SYT1: variants seen among roughly 807,000 people sequenced by gnomAD.
The protein encoded by SYT1 is synaptotagmin 1.
SYT1 carries 8 observed loss-of-function variants against 44.8 expected under a neutral mutation model. The ratio of observed to expected loss-of-function variants is 0.18; its 90% CI spans 0.10 to 0.32. The LOEUF is 0.32. Among genes scored for constraint, SYT1 ranks in the 10% least tolerant of loss-of-function variants. SYT1 has a pLI of 1.00. For synonymous variants in SYT1, 154 were observed against 188.8 expected (o/e 0.82, Z 1.51); for missense variants, 286 against 509.3 (o/e 0.56, Z 4.22).
At chr12:79,028,763 A>T (rs1872671030) in intron 2 of SYT1, among the ~76,000 whole-genome samples, 1 of 151,450 alleles carries the variant, frequency 6.6e-6, no homozygotes, top group Non-Finnish European at 1.5e-5. Context: ...TCAATAAACA[A>T]TGAAATGTAT....
chr12:79,003,519 C>A (rs1036060281), intron 2 of SYT1, among the ~76,000 whole-genome samples: 1 of 151,786 alleles, frequency 6.6e-6, no homozygotes, highest in East Asian at 1.9e-4. Context: ...GACATCACTG[C>A]AAGATTAGAA....
At chr12:78,902,660 C>T (rs1875728560) in intron 1 of SYT1, among the ~76,000 whole-genome samples, 1 of 152,028 alleles carries the variant, frequency 6.6e-6, no homozygotes, top group South Asian at 2.1e-4. Flanking sequence ...AGTTTTTTAA[C>T]AACCAAATAA....
intron 3 of SYT1, among the ~76,000 whole-genome samples, chr12:79,157,493 T>A (rs1870672250): frequency 6.6e-6 from 1 of 152,194 alleles, no homozygotes; most frequent in Non-Finnish European, 1.5e-5. Context: ...TAAACATGTT[T>A]AACTCTGTCT....
At chr12:79,310,664 A>G (rs1022377840) in intron 8 of SYT1, among the ~76,000 whole-genome samples, 3 of 152,160 alleles carry the variant, frequency 2.0e-5, no homozygotes, top group African/African-American at 4.8e-5. Context: ...ATGTTCTTCC[A>G]TTTGTTTGTA....
In SYT1 at chr12:79,403,570, T is replaced by TA. The variant is rs200868845; in HGVS notation, c.929-40502dup. ...AATCTCATTCTGGGGTGCTAAGGGT[T>TA]ACAACTTCAACATATGAATTTAAGG... On this transcript the variant is annotated intron_variant, in intron 9 of 10. Transcript: ENST00000261205. 6.3e-3 allele frequency among the ~76,000 whole-genome samples: 953 copies of TA among 152,302 alleles called. 3 individuals carry two copies. Among genetic ancestry groups the TA allele is most frequent in the Middle Eastern group, 0.017 (5 of 294 alleles).
chr12:79,157,398 A>G (rs990431357), intron 3 of SYT1, among the ~76,000 whole-genome samples: 9 of 152,210 alleles, frequency 5.9e-5, no homozygotes, highest in African/African-American at 2.2e-4. Flanking sequence ...TAGCTACTTC[A>G]GAATCAACCT....
intron 8 of SYT1, among the ~76,000 whole-genome samples, chr12:79,301,466 G>A (rs1250292718): frequency 1.3e-5 from 2 of 152,118 alleles, no homozygotes; most frequent in Non-Finnish European, 2.9e-5. Context: ...AGGGGTTTAG[G>A]TAAACTGCCC....
At chr12:78,881,439 G>A (rs992551136) in intron 1 of SYT1, among the ~76,000 whole-genome samples, 1 of 151,670 alleles carries the variant, frequency 6.6e-6, no homozygotes, top group African/African-American at 2.4e-5. Flanking sequence ...TGAACTCGCT[G>A]GGTTTAAAGA....
chr12:78,893,937 T>C (rs1218988621), intron 1 of SYT1, among the ~76,000 whole-genome samples: 2 of 151,856 alleles, frequency 1.3e-5, no homozygotes, highest in East Asian at 3.9e-4. Context: ...TCCAGGGGCT[T>C]GGAATGAGGA....
chr12:79,206,370 C>T (rs1236630786), intron 3 of SYT1, among the ~76,000 whole-genome samples: 1 of 152,162 alleles, frequency 6.6e-6, no homozygotes, highest in Non-Finnish European at 1.5e-5. Flanking sequence ...CAGATCCCTT[C>T]TTTAAGTCAC....
At chr12:79,180,757 T>C (rs114138828) in intron 3 of SYT1, among the ~76,000 whole-genome samples, 5,703 of 152,018 alleles carry the variant, frequency 0.038, 194 homozygotes, top group East Asian at 0.12. Flanking sequence ...TCATGAGAAA[T>C]CACCCCTATG....
At chr12:79,274,612 A>G (rs1878615320) in intron 4 of SYT1, among the ~76,000 whole-genome samples, 1 of 152,180 alleles carries the variant, frequency 6.6e-6, no homozygotes, top group African/African-American at 2.4e-5. Flanking sequence ...CCTCCTTTAT[A>G]TGCCTTGGTA....
At chr12:79,418,188 C>G (rs1186176324) in intron 9 of SYT1, among the ~76,000 whole-genome samples, 1 of 152,114 alleles carries the variant, frequency 6.6e-6, no homozygotes, top group African/African-American at 2.4e-5. Flanking sequence ...GACTGCTGCT[C>G]CTTGTAGTCC....
chr12:78,981,551 A>G (rs1335801055), intron 2 of SYT1, among the ~76,000 whole-genome samples: 1 of 152,172 alleles, frequency 6.6e-6, no homozygotes, highest in African/African-American at 2.4e-5. Flanking sequence ...GTGCCAACTA[A>G]TGGAGTGAAG....
At chr12:78,998,885 A>G (rs910988398) in intron 2 of SYT1, among the ~76,000 whole-genome samples, 5 of 152,216 alleles carry the variant, frequency 3.3e-5, no homozygotes, top group African/African-American at 4.8e-5. Context: ...AGCTATATGC[A>G]AAGTCCAGTG....
chr12:79,090,226 T>C (rs1877677051), intron 3 of SYT1, among the ~76,000 whole-genome samples: 1 of 152,056 alleles, frequency 6.6e-6, no homozygotes, highest in Non-Finnish European at 1.5e-5. Flanking sequence ...AAAAAGTTTT[T>C]AAGATGTGGA....
intron 1 of SYT1, among the ~76,000 whole-genome samples, chr12:78,895,929 G>A (rs1875333976): frequency 1.3e-5 from 2 of 151,800 alleles, no homozygotes; most frequent in South Asian, 4.1e-4. Flanking sequence ...CGTAAGGACA[G>A]GAGACAAGTC....
chr12:79,262,225 A>G (rs967867997), intron 4 of SYT1, among the ~76,000 whole-genome samples: 3 of 152,050 alleles, frequency 2.0e-5, no homozygotes, highest in Non-Finnish European at 2.9e-5. Flanking sequence ...CAAAGAACCT[A>G]TTTTGTTTTA....
At chr12:79,375,541 A>C (rs978478371) in intron 9 of SYT1, among the ~76,000 whole-genome samples, 22 of 152,230 alleles carry the variant, frequency 1.4e-4, no homozygotes, top group African/African-American at 5.3e-4. Context: ...CTGTGGAATC[A>C]AACTGACATG....
Sources: allele counts gnomAD v4.1 joint callset (sites outside exome capture counted in the v4.1 genomes callset), GRCh38; gene constraint gnomAD v4.1.1; transcripts MANE v1.5; gene names NCBI Gene and HGNC (gene_info 2026-07-23, HGNC 2026-07-21).